TDRP: variants seen among roughly 807,000 people sequenced by gnomAD.
The protein encoded by TDRP is testis development related protein.
A neutral mutation model predicts 10.5 loss-of-function variants in TDRP; 12 were observed. The observed-to-expected ratio is 1.15, with a 90% CI of 0.73 to 1.86. TDRP has a LOEUF of 1.86. Ranked by LOEUF, TDRP falls within the 40% of genes most tolerant of loss-of-function variation. TDRP has a pLI of 0.00. For synonymous variants in TDRP, 139 were observed against 95.4 expected (o/e 1.46, Z -2.67); for missense variants, 353 against 229.2 (o/e 1.54, Z -3.49).
chr8:501,009 A>T (rs963310473), intron 1 of TDRP, among the ~76,000 whole-genome samples: 1 of 152,148 alleles, frequency 6.6e-6, no homozygotes, highest in African/African-American at 2.4e-5. Context: ...GATCGAGACC[A>T]TCCTGGCTAA....
chr8:525,875 T>C (rs905925582), intron 1 of TDRP, among the ~76,000 whole-genome samples: 11 of 152,120 alleles, frequency 7.2e-5, no homozygotes, highest in African/African-American at 2.7e-4. Context: ...TGAGTACAAT[T>C]GCTATTAGTA....
chr8:542,241 G>A (rs1172992623), intron 1 of TDRP, among the ~76,000 whole-genome samples: 1 of 152,170 alleles, frequency 6.6e-6, no homozygotes, highest in South Asian at 2.1e-4. Context: ...GTTTGCCAGG[G>A]GTTCCGGGGA....
In TDRP at chr8:492,154, G is replaced by A; in HGVS notation, c.*245C>T. 1.6e-6 allele frequency: 2 copies of A among 1,249,576 alleles called. No individual in the cohort carries two copies. Among genetic ancestry groups the A allele is most frequent in the African/African-American group, 1.5e-5 (1 of 64,924 alleles). The allele number at this position is 1,249,576 out of a possible 1,614,324, so 77.4% of individuals were successfully genotyped here. A position where few individuals can be genotyped will look rare whatever the true frequency, so the allele number is the denominator to read the frequency against. On this transcript the variant is annotated 3_prime_UTR_variant, in exon 3 of 3. Coordinates refer to ENST00000324079, the MANE Select transcript of TDRP (RefSeq NM_001384899.1). Reference sequence around the variant, plus strand: ...TCATAAATTCACATCTCCAGTTTCTGCAAAACATGGACTGATAGGTGAATA... The same window carrying A: ...TCATAAATTCACATCTCCAGTTTCTACAAAACATGGACTGATAGGTGAATA...
intron 1 of TDRP, among the ~76,000 whole-genome samples, chr8:526,000 T>C (rs1196590450): frequency 2.0e-5 from 3 of 152,202 alleles, no homozygotes; most frequent in Non-Finnish European, 4.4e-5. Flanking sequence ...TGTTCAGGTT[T>C]TGGATTTCTT....
In TDRP at chr8:531,955, C is replaced by T. The variant is rs11995847; in HGVS notation, c.108+12695G>A. On this transcript the variant is annotated intron_variant, in intron 1 of 2. Transcript: ENST00000324079. ...CTGACAGTGGGCCCTGCGGTGGTTG[C>T]GTAATAAAATCTCCTGACTGTGATA... 6.3e-4 allele frequency among the ~76,000 whole-genome samples: 96 copies of T among 152,182 alleles called. 2 individuals carry two copies. Among genetic ancestry groups the T allele is most frequent in the African/African-American group, 2.3e-3 (95 of 41,530 alleles).
intron 1 of TDRP, among the ~76,000 whole-genome samples, chr8:528,577 G>T (rs1563129637): frequency 7.5e-6 from 1 of 133,380 alleles, no homozygotes; most frequent in East Asian, 2.4e-4. Context: ...CAGCACAACA[G>T]GATGACTACA....
chr8:530,934 C>G (rs1242404540), intron 1 of TDRP, among the ~76,000 whole-genome samples: 1 of 152,160 alleles, frequency 6.6e-6, no homozygotes, highest in Non-Finnish European at 1.5e-5. Context: ...TGCTGAGTCT[C>G]TGATGCTGCA....
At chr8:502,133 C>T (rs575704880) in intron 1 of TDRP, among the ~76,000 whole-genome samples, 1 of 152,340 alleles carries the variant, frequency 6.6e-6, no homozygotes, top group Admixed American at 6.5e-5. Context: ...AAACACAGTG[C>T]CCCCAACAGG....
intron 2 of TDRP, among the ~76,000 whole-genome samples, 171 bp from the exon 3 acceptor site, chr8:492,915 AT>A: frequency 2.0e-5 from 3 of 152,324 alleles, no homozygotes; most frequent in Admixed American, 2.0e-4. Context: ...TAGTCACTAT[AT>A]GTTGTTAATG....
At chr8:513,129 G>T (rs903867955) in intron 1 of TDRP, among the ~76,000 whole-genome samples, 5 of 143,338 alleles carry the variant, frequency 3.5e-5, no homozygotes, top group Non-Finnish European at 7.6e-5. Flanking sequence ...AAAAATAGAA[G>T]AGCAAGGAAC....
upstream of TDRP, chr8:544,845 C>A: frequency 2.9e-6 from 3 of 1,017,858 alleles, no homozygotes; most frequent in Non-Finnish European, 3.8e-6. Flanking sequence ...GCCTGCGGCT[C>A]CTGCGGGACG....
At chr8:520,325 G>A (rs1801868551) in intron 1 of TDRP, among the ~76,000 whole-genome samples, 1 of 152,064 alleles carries the variant, frequency 6.6e-6, no homozygotes, top group African/African-American at 2.4e-5. Context: ...TTGAACATAT[G>A]TACTATATTT....
chr8:500,393 C>G (rs1801255959), intron 1 of TDRP, among the ~76,000 whole-genome samples: 1 of 152,206 alleles, frequency 6.6e-6, no homozygotes, highest in South Asian at 2.1e-4. Flanking sequence ...GCAGGCCCCA[C>G]CAGTGCGCAC....
At chr8:521,290 G>A (rs1037331410) in intron 1 of TDRP, among the ~76,000 whole-genome samples, 18 of 150,358 alleles carry the variant, frequency 1.2e-4, no homozygotes, top group Non-Finnish European at 2.4e-4. Context: ...GGTGGTGGGC[G>A]CCTGTAGTCC....
chr8:535,315 G>A (rs1332647615), intron 1 of TDRP, among the ~76,000 whole-genome samples: 3 of 152,058 alleles, frequency 2.0e-5, no homozygotes, highest in African/African-American at 7.2e-5. Context: ...CAAGGTGAGA[G>A]GAGGCAGTCT....
chr8:544,192 C>A (rs540882866), intron 1 of TDRP, among the ~76,000 whole-genome samples: 2 of 152,124 alleles, frequency 1.3e-5, no homozygotes, highest in African/African-American at 4.8e-5. Flanking sequence ...GCGAGGAGGC[C>A]GTCCGGATGC....
intron 1 of TDRP, among the ~76,000 whole-genome samples, chr8:535,911 C>A (rs1802337927): frequency 6.6e-6 from 1 of 152,058 alleles, no homozygotes; most frequent in Admixed American, 6.5e-5. Context: ...CTGGGCTCCA[C>A]ATTCAGTGAC....
intron 2 of TDRP, among the ~76,000 whole-genome samples, chr8:493,585 G>T (rs111840277): frequency 6.6e-6 from 1 of 152,182 alleles, no homozygotes; most frequent in Non-Finnish European, 1.5e-5. Flanking sequence ...TCCATAACAC[G>T]GAGCAAATAT....
rs1349370553 is a variant in TDRP, at chr8:491,467, T to C, written c.*932A>G. 2 of 747,050 alleles carry C rather than the reference T, an allele frequency of 2.7e-6. No individual in the cohort carries two copies. Among genetic ancestry groups the C allele is most frequent in the Admixed American group, 7.5e-5 (2 of 26,760 alleles). The allele number at this position is 747,050 out of a possible 1,614,324, so 46.3% of individuals were successfully genotyped here. A position where few individuals can be genotyped will look rare whatever the true frequency, so the allele number is the denominator to read the frequency against. On this transcript the variant is annotated 3_prime_UTR_variant, in exon 3 of 3. Transcript: ENST00000324079. ...GAGATGCTCTCAAACCGGTCGTCGA[T>C]TATTCTTGTGGAAAAAACACAGCTT...
Sources: gnomAD v4.1 joint callset for allele counts (sites outside exome capture counted in the v4.1 genomes callset) on GRCh38, gnomAD v4.1.1 for gene constraint, MANE v1.5 for transcripts, NCBI Gene and HGNC (gene_info 2026-07-23, HGNC 2026-07-21) for gene names.